The following PCDHA10 variants were observed in gnomAD, a reference collection of about 807,000 sequenced individuals.
PCDHA10 encodes the protein protocadherin alpha-10.
Under a neutral mutation model 61.2 loss-of-function variants are expected in PCDHA10, and 45 were observed. The ratio of observed to expected loss-of-function variants is 0.74; its 90% CI spans 0.58 to 0.94. The LOEUF (loss-of-function observed/expected upper bound fraction) is 0.94. Ranked by LOEUF, PCDHA10 falls within the 40% of genes least tolerant of loss-of-function variation. The pLI is 0.00. For missense variants in PCDHA10, 1,278 were observed against 1,236.2 expected, an observed-to-expected ratio of 1.03 and a Z score of -0.51; for synonymous variants, 602 against 548.8, an observed-to-expected ratio of 1.10 and a Z score of -1.35.
intron 1 of PCDHA10, chr5:140,968,494 C>G (rs782064203): frequency 1.2e-6 from 2 of 1,614,096 alleles, no homozygotes; most frequent in South Asian, 2.2e-5. Flanking sequence ...ATGACCATGC[C>G]CCTCACATTC....
intron 1 of PCDHA10, among the ~76,000 whole-genome samples, chr5:140,890,662 C>G (rs75284753): frequency 3.3e-5 from 5 of 152,136 alleles, no homozygotes; most frequent in South Asian, 2.1e-4. Flanking sequence ...CAAAAGTTAA[C>G]TGAAACCCTT....
At chr5:140,928,350 T>A in intron 1 of PCDHA10, 1 of 1,614,098 alleles carries the variant, frequency 6.2e-7, no homozygotes, top group Non-Finnish European at 8.5e-7. Context: ...AGCTGTTGGA[T>A]GTTATCTCTG....
At chr5:140,931,815 T>C (rs954167352) in intron 1 of PCDHA10, among the ~76,000 whole-genome samples, 47 of 152,114 alleles carry the variant, frequency 3.1e-4, no homozygotes, top group African/African-American at 8.4e-4. Flanking sequence ...TAGAAAAGAA[T>C]TCTTGTCATA....
intron 1 of PCDHA10, chr5:140,968,160 A>G: frequency 7.4e-6 from 12 of 1,614,104 alleles, no homozygotes; most frequent in Non-Finnish European, 1.0e-5. Context: ...ATCAATGACA[A>G]TCCACCAAGC....
At chr5:140,862,766 A>T (rs781899169) in intron 1 of PCDHA10, 1 of 576,266 alleles carries the variant, frequency 1.7e-6, no homozygotes, top group Non-Finnish European at 3.3e-6. Context: ...GGCAAGAGGT[A>T]CGCGTTGCAG....
At chr5:140,977,815 G>C (rs2096776039) in intron 1 of PCDHA10, among the ~76,000 whole-genome samples, 1 of 152,208 alleles carries the variant, frequency 6.6e-6, no homozygotes, top group Non-Finnish European at 1.5e-5. Context: ...ATTATTGACA[G>C]TTTTGAATGG....
chr5:141,005,932 G>A (rs1588114868), intron 3 of PCDHA10, among the ~76,000 whole-genome samples: 2 of 152,074 alleles, frequency 1.3e-5, no homozygotes, highest in East Asian at 3.9e-4. Context: ...GGTTGACAGA[G>A]TGAGAACCTA....
chr5:140,963,766 A>G (rs574963836), intron 1 of PCDHA10, among the ~76,000 whole-genome samples: 1 of 152,372 alleles, frequency 6.6e-6, no homozygotes, highest in South Asian at 2.1e-4. Flanking sequence ...GTTGTATTTC[A>G]TGACGACAGC....
At chr5:140,867,383 G>T in intron 1 of PCDHA10, 1 of 152,136 alleles carries the variant, frequency 6.6e-6, no homozygotes, top group East Asian at 1.9e-4. Flanking sequence ...TGGAATTAAC[G>T]GTTATAAAAG....
chr5:140,908,824 C>T (rs1199416548), intron 1 of PCDHA10, among the ~76,000 whole-genome samples: 1 of 152,082 alleles, frequency 6.6e-6, no homozygotes, highest in African/African-American at 2.4e-5. Flanking sequence ...TTGGGTTACT[C>T]GATAAATGGG....
At chr5:140,993,777 G>A (rs1397168086) in intron 3 of PCDHA10, among the ~76,000 whole-genome samples, 1 of 152,042 alleles carries the variant, frequency 6.6e-6, no homozygotes, top group Non-Finnish European at 1.5e-5. Flanking sequence ...GCAGTATTTT[G>A]TACAGTAACA....
intron 1 of PCDHA10, among the ~76,000 whole-genome samples, chr5:140,911,647 G>A (rs1554194849): frequency 2.0e-5 from 3 of 152,160 alleles, no homozygotes; most frequent in African/African-American, 7.2e-5. Flanking sequence ...ATTACATATA[G>A]AGTTACTAAA....
At chr5:140,927,564 GGACACAAAT>G in intron 1 of PCDHA10, 1 of 1,614,150 alleles carries the variant, frequency 6.2e-7, no homozygotes, top group Admixed American at 1.7e-5. Context: ...TCATTGTGGT[GGACACAAAT>G]GACAACGCGC....
chr5:140,869,373 C>A (rs782224697), intron 1 of PCDHA10: 1 of 1,614,102 alleles, frequency 6.2e-7, no homozygotes, highest in Non-Finnish European at 8.5e-7. Context: ...ATTCTCGGAT[C>A]GACCGCGAGG....
At chr5:140,975,938 T>C (rs2096690603) in intron 1 of PCDHA10, among the ~76,000 whole-genome samples, 1 of 152,160 alleles carries the variant, frequency 6.6e-6, no homozygotes, top group Admixed American at 6.5e-5. Context: ...TTTGAAGCAA[T>C]AGGACATATT....
chr5:140,985,554 A>G (rs1563525071), intron 3 of PCDHA10, among the ~76,000 whole-genome samples: 1 of 152,114 alleles, frequency 6.6e-6, no homozygotes, highest in Non-Finnish European at 1.5e-5. Flanking sequence ...GTTGCTTCCA[A>G]AAGGCTTCTT....
At chr5:140,955,190 A>G (rs1269758289) in intron 1 of PCDHA10, among the ~76,000 whole-genome samples, 2 of 152,050 alleles carry the variant, frequency 1.3e-5, no homozygotes, top group Admixed American at 6.6e-5. Flanking sequence ...TGTGGTGTAT[A>G]TGAAGTCAAT....
intron 1 of PCDHA10, chr5:140,927,691 G>C (rs782046420): frequency 6.2e-7 from 1 of 1,614,072 alleles, no homozygotes; most frequent in African/African-American, 1.3e-5. Flanking sequence ...GTCCAATGGG[G>C]AAGTCCAGTA....
chr5:140,948,158 A>C lies in PCDHA10; in HGVS notation c.2389-30791A>C, dbSNP rs191151506. On this transcript the variant is annotated intron_variant, in intron 1 of 3. Transcript: ENST00000307360. The stretch of plus-strand genomic sequence containing the variant: ...TAATTGATTTTTGAATGTTGGAAAA[A>C]ACCTTCCATTCCTAGGGTAAATCCC... Among the ~76,000 whole-genome samples the C allele has an allele frequency of 2.8e-3, 418 of 151,676 alleles. 1 individual carries two copies. The highest frequency in any genetic ancestry group is 0.014 in the Middle Eastern group (4 of 294).
Sources: allele counts gnomAD v4.1 joint callset (sites outside exome capture counted in the v4.1 genomes callset), GRCh38; gene constraint gnomAD v4.1.1; transcripts MANE v1.5; gene names NCBI Gene and HGNC (gene_info 2026-07-23, HGNC 2026-07-21).